SLC39A12: variants seen among roughly 807,000 people sequenced by gnomAD.
SLC39A12 encodes the protein solute carrier family 39 member 12.
SLC39A12 carries 63 observed loss-of-function variants against 71.1 expected under a neutral mutation model. The ratio of observed to expected loss-of-function variants is 0.89; its 90% CI spans 0.72 to 1.09. The LOEUF (loss-of-function observed/expected upper bound fraction) is 1.09. SLC39A12 is among the 50% of genes least tolerant of loss of function. The pLI is 0.00. For missense variants in SLC39A12, 892 were observed against 812.6 expected, an observed-to-expected ratio of 1.10 and a Z score of -1.19; for synonymous variants, 351 against 301.3, an observed-to-expected ratio of 1.16 and a Z score of -1.71.
intron 4 of SLC39A12, among the ~76,000 whole-genome samples, chr10:17,971,360 C>G (rs191475091): frequency 1.4e-5 from 2 of 141,396 alleles, no homozygotes; most frequent in African/African-American, 5.3e-5. Flanking sequence ...GGAATGAGTT[C>G]GGAAGTACTC....
At chr10:18,038,980 G>T (rs2488131) in intron 12 of SLC39A12, among the ~76,000 whole-genome samples, 116,412 of 152,112 alleles carry the variant, frequency 0.77, 45,458 homozygotes, top group African/African-American at 0.91. Flanking sequence ...ACTACCATGC[G>T]TCTATCTTGC....
intron 6 of SLC39A12, among the ~76,000 whole-genome samples, chr10:17,982,594 A>T (rs1308052902): frequency 6.6e-6 from 1 of 152,196 alleles, no homozygotes; most frequent in Non-Finnish European, 1.5e-5. Context: ...AATATCTAAG[A>T]TTCTACATTC....
At chr10:17,957,600 G>A (rs543238051) in intron 2 of SLC39A12, among the ~76,000 whole-genome samples, 2 of 152,100 alleles carry the variant, frequency 1.3e-5, no homozygotes, top group African/African-American at 4.8e-5. Context: ...CAGTATTTGC[G>A]ACATTTTGCT....
chr10:17,974,861 C>T (rs755302830), intron 4 of SLC39A12, among the ~76,000 whole-genome samples: 12 of 152,172 alleles, frequency 7.9e-5, no homozygotes, highest in Non-Finnish European at 1.8e-4. Flanking sequence ...GACAAGTTAC[C>T]CCAGTTCCCA....
Position 18,003,372 on chromosome 10 carries a change from CT to C in SLC39A12, c.1947+18del. 1.9e-6 allele frequency: 3 copies of C among 1,585,366 alleles called. No individual in the cohort carries two copies. The highest frequency in any genetic ancestry group is 2.6e-6 in the Non-Finnish European group (3 of 1,169,394). On this transcript the variant is annotated intron_variant, in intron 12 of 12. Coordinates refer to ENST00000377369, the MANE Select transcript of SLC39A12 (RefSeq NM_001145195.2). ...TTGGTTGAAATGGTAAGCTTGGTGG[CT>C]TTTCTATTTGATTTTTCTAAGCACT...
In SLC39A12 at chr10:18,003,498, T is replaced by TAA. The variant is rs1835895208; in HGVS notation, c.1947+140_1947+141insAA. The TAA allele has an allele frequency of 6.7e-6, 5 of 746,208 alleles. No homozygotes were observed. The African/African-American group carries it at 9.0e-5, about 13-fold the overall frequency. 46.2% of individuals were successfully genotyped at this position (746,208 alleles called of 1,614,324 possible). A position where few individuals can be genotyped will look rare whatever the true frequency, so the allele number is the denominator to read the frequency against. On this transcript the variant is annotated intron_variant, in intron 12 of 12. Transcript: ENST00000377369. Reference sequence around the variant, plus strand: ...ATATAAACCATTAAGGAATATTCTTTGTACTCCAAGAAAGTGCATTCTGGG... The same window carrying TAA: ...ATATAAACCATTAAGGAATATTCTTTAAGTACTCCAAGAAAGTGCATTCTGGG...
intron 12 of SLC39A12, among the ~76,000 whole-genome samples, chr10:18,021,363 T>A (rs1836527827): frequency 6.6e-6 from 1 of 152,104 alleles, no homozygotes; most frequent in African/African-American, 2.4e-5. Flanking sequence ...TATCATTATG[T>A]AATGCCCTTT....
At chr10:17,981,198 A>G in intron 5 of SLC39A12, 114 bp from the exon 6 acceptor site, 1 of 850,798 alleles carries the variant, frequency 1.2e-6, no homozygotes, top group Non-Finnish European at 1.8e-6. Flanking sequence ...TACCGGCTTC[A>G]TGTGTGTGTT....
chr10:18,005,829 C>A lies in SLC39A12; in HGVS notation c.1947+2471C>A, dbSNP rs1044211081. 2.0e-5 allele frequency: 3 copies of A among 151,518 alleles called. No homozygotes were observed. The Admixed American group carries it at 2.0e-4, about 10-fold the overall frequency. 9.4% of individuals were successfully genotyped at this position (151,518 alleles called of 1,614,324 possible). A position where few individuals can be genotyped will look rare whatever the true frequency, so the allele number is the denominator to read the frequency against. The stretch of plus-strand genomic sequence containing the variant: ...CAAATGGCTATTAGCCGAGGAAAAA[C>A]CAGCATCCTGGCAGAAAGACAGGAA... On this transcript the variant is annotated intron_variant, in intron 12 of 12. Coordinates refer to ENST00000377369, the MANE Select transcript of SLC39A12 (RefSeq NM_001145195.2).
At chr10:17,976,198 G>A (rs1479794843) in intron 4 of SLC39A12, among the ~76,000 whole-genome samples, 1 of 152,126 alleles carries the variant, frequency 6.6e-6, no homozygotes, top group Non-Finnish European at 1.5e-5. Context: ...TGTTAAATTG[G>A]TGTCCTTGTG....
chr10:17,974,967 C>T (rs141372037), intron 4 of SLC39A12, among the ~76,000 whole-genome samples: 101 of 152,268 alleles, frequency 6.6e-4, no homozygotes, highest in African/African-American at 2.2e-3. Flanking sequence ...AATTGGCACT[C>T]GAATCACAAG....
chr10:17,957,602 C>T lies in SLC39A12; in HGVS notation c.262-3979C>T, dbSNP rs1419571549. On this transcript the variant is annotated intron_variant, in intron 2 of 12. Transcript: ENST00000377369. ...GCCTGTGGGGTGGCAGTATTTGCGA[C>T]ATTTTGCTAAATATCCTCTCCCAAA... Among the ~76,000 whole-genome samples, 4 of 152,096 alleles carry T rather than the reference C, an allele frequency of 2.6e-5. No homozygotes were observed. The East Asian group carries it at 7.7e-4, about 29-fold the overall frequency.
chr10:17,987,351 A>C, intron 6 of SLC39A12, 128 bp from the exon 7 acceptor site: 1 of 773,046 alleles, frequency 1.3e-6, no homozygotes, highest in South Asian at 1.8e-5. Flanking sequence ...AAAACAAAAC[A>C]CTTATTTAAA....
chr10:18,026,664 G>A (rs1836686364), intron 12 of SLC39A12, among the ~76,000 whole-genome samples: 1 of 151,846 alleles, frequency 6.6e-6, no homozygotes, highest in Admixed American at 6.6e-5. Context: ...TATGCCTTTT[G>A]TAGTTGTCCC....
intron 12 of SLC39A12, among the ~76,000 whole-genome samples, chr10:18,034,410 C>CTTCT (rs747157713): frequency 2.0e-5 from 3 of 151,488 alleles, no homozygotes; most frequent in Non-Finnish European, 4.4e-5. Flanking sequence ...ATGTAATGGC[C>CTTCT]TTGTCTCTTT....
chr10:17,956,524 A>C (rs1246403468), intron 2 of SLC39A12, among the ~76,000 whole-genome samples: 7 of 152,220 alleles, frequency 4.6e-5, no homozygotes, highest in African/African-American at 1.4e-4. Context: ...GCAGAAAGTC[A>C]GATATAGGAG....
At chr10:17,971,249 T>C (rs1328062897) in intron 4 of SLC39A12, among the ~76,000 whole-genome samples, 3 of 126,550 alleles carry the variant, frequency 2.4e-5, no homozygotes, top group East Asian at 2.4e-4. Context: ...TCATCAGAGA[T>C]ATTGGCCTGC....
At chr10:17,997,197 A>G (rs1835711104) in intron 10 of SLC39A12, among the ~76,000 whole-genome samples, 1 of 152,230 alleles carries the variant, frequency 6.6e-6, no homozygotes, top group African/African-American at 2.4e-5. Context: ...GCAGTGAAGA[A>G]TAAAATAAGC....
intron 11 of SLC39A12, among the ~76,000 whole-genome samples, chr10:18,001,586 A>C (rs1412783713): frequency 6.6e-6 from 1 of 152,208 alleles, no homozygotes; most frequent in Non-Finnish European, 1.5e-5. Context: ...AAAATGTTTA[A>C]AGCCAAGCCT....
Sources: allele counts gnomAD v4.1 joint callset (sites outside exome capture counted in the v4.1 genomes callset), GRCh38; gene constraint gnomAD v4.1.1; transcripts MANE v1.5; gene names NCBI Gene and HGNC (gene_info 2026-07-23, HGNC 2026-07-21).